Variants in CNR1 observed in about 807,000 individuals in gnomAD.
CNR1 encodes cannabinoid receptor 1 (brain).
A neutral mutation model predicts 23.0 loss-of-function variants in CNR1; 10 were observed. The ratio of observed to expected loss-of-function variants is 0.43; its 90% confidence interval spans 0.27 to 0.74. The LOEUF (loss-of-function observed/expected upper bound fraction) is 0.74. Among genes scored for constraint, CNR1 ranks in the 30% least tolerant of loss-of-function variants. CNR1 has a pLI of 0.19. For synonymous variants in CNR1, 271 were observed against 255.2 expected, an observed-to-expected ratio of 1.06 and a Z score of -0.59; for missense variants, 422 against 618.8, an observed-to-expected ratio of 0.68 and a Z score of 3.37.
At chr6:88,166,408 T>G (rs1472059664), upstream of CNR1, 2 of 152,430 alleles carry the variant, frequency 1.3e-5, no homozygotes, top group East Asian at 3.9e-4. Flanking sequence ...TAATGAGCCT[T>G]TGTCCTGCCC....
At chr6:88,145,490 A>T (rs1347845446) in intron 1 of CNR1, 153 bp from the exon 2 acceptor site, 1 of 527,512 alleles carries the variant, frequency 1.9e-6, no homozygotes, top group Non-Finnish European at 3.4e-6. Context: ...CAGTCAACAA[A>T]ATGAGTAAGT....
At chr6:88,157,334 C>T (rs1213793041) in intron 1 of CNR1, among the ~76,000 whole-genome samples, 1 of 152,052 alleles carries the variant, frequency 6.6e-6, no homozygotes, top group African/African-American at 2.4e-5. Flanking sequence ...CTTTTATAAG[C>T]CCTCAGGAAT....
rs753845620 is a variant in CNR1 at position 88,145,099 on chromosome 6, T to C, written c.176A>G (p.Gln59Arg). Reference sequence around the variant, plus strand: ...GTTGTCTCCCGCAGTCATCTTCTCTTGGAAGGGACTTCCCCTAAAGGAAGT... The same window carrying C: ...GTTGTCTCCCGCAGTCATCTTCTCTCGGAAGGGACTTCCCCTAAAGGAAGT... ...PLTSFRGSPF[Q>R]EKMTAGDNPQ... Residue 59 changes from glutamine to arginine, a missense_variant, in exon 2 of 2, where the codon CAA becomes CGA. Gln to Arg is a conservative substitution (Grantham distance 43). This residue lies in a region of CNR1 where 120 missense variants were observed against 117.6 expected (regional missense o/e 1.02). Transcript: ENST00000369501. 1.6e-5 allele frequency: 26 copies of C among 1,614,084 alleles called. No individual in the cohort carries two copies. Among genetic ancestry groups the C allele is most frequent in the Non-Finnish European group, 2.0e-5 (24 of 1,180,030 alleles).
intron 1 of CNR1, among the ~76,000 whole-genome samples, chr6:88,155,178 T>C (rs1228045948): frequency 6.6e-6 from 1 of 152,206 alleles, no homozygotes; most frequent in Non-Finnish European, 1.5e-5. Flanking sequence ...TCTTCATCTA[T>C]CAGTGAAGGC....
In CNR1 at chr6:88,141,944, G is replaced by A. The variant is rs1448560564; in HGVS notation, c.*1912C>T. ...GAGTCATGTTTTATCTGTATAAGAA[G>A]AGATTATAATTAAAATTTGTCAGGG... On this transcript the variant is annotated 3_prime_UTR_variant, in exon 2 of 2. Transcript: ENST00000369501. 6.6e-6 allele frequency: 1 copy of A among 152,298 alleles called. No individual in the cohort carries two copies. The highest frequency in any genetic ancestry group is 1.5e-5 in the Non-Finnish European group (1 of 68,036). The allele number at this position is 152,298 out of a possible 1,614,324, so 9.4% of individuals were successfully genotyped here.
At chr6:88,164,077 T>C (rs1457118143) in intron 1 of CNR1, among the ~76,000 whole-genome samples, 3 of 152,258 alleles carry the variant, frequency 2.0e-5, no homozygotes, top group Non-Finnish European at 2.9e-5. Context: ...CATATATTAA[T>C]GTTATTAAAA....
intron 1 of CNR1, among the ~76,000 whole-genome samples, chr6:88,163,642 A>T (rs959761577): frequency 6.6e-6 from 1 of 152,228 alleles, no homozygotes; most frequent in Non-Finnish European, 1.5e-5. Context: ...AACACTTATC[A>T]ACACAATCAA....
chr6:88,146,644 T>G (rs806371), intron 1 of CNR1, among the ~76,000 whole-genome samples: 28,747 of 152,254 alleles, frequency 0.19, 3,354 homozygotes, highest in East Asian at 0.51. Context: ...ATTTATAAAT[T>G]TTTGTTTAAA....
chr6:88,154,949 T>C (rs189310316), intron 1 of CNR1, among the ~76,000 whole-genome samples: 4 of 152,294 alleles, frequency 2.6e-5, no homozygotes, highest in Admixed American at 1.3e-4. Flanking sequence ...GTAAAAGCCA[T>C]GGCCATATTC....
chr6:88,165,768 A>C (rs1053167717), intron 1 of CNR1, 35 bp downstream of exon 1: 1 of 152,486 alleles, frequency 6.6e-6, no homozygotes, highest in African/African-American at 2.4e-5. Flanking sequence ...GGAGGCGGAA[A>C]AAGTATTTCC....
chr6:88,163,762 C>T (rs1778227869), intron 1 of CNR1, among the ~76,000 whole-genome samples: 1 of 152,142 alleles, frequency 6.6e-6, no homozygotes, highest in South Asian at 2.1e-4. Context: ...AATTTCATTC[C>T]CAGCAGTTTC....
At position 88,166,206 on chromosome 6, in the gene CNR1, G is replaced by T. The variant is rs978802448; in HGVS notation, c.-467C>A. 1 of 152,022 alleles carries T rather than the reference G, an allele frequency of 6.6e-6. No individual in the cohort carries two copies. Among genetic ancestry groups the T allele is most frequent in the Non-Finnish European group, 1.5e-5 (1 of 68,016 alleles). The allele number at this position is 152,022 out of a possible 1,614,324, so 9.4% of individuals were successfully genotyped here. ...GCTGCTCCGACCGCCGGCGAGCCTC[G>T]CCCCTTCCCAGGCTCTTCACTGGGT... On this transcript the variant is annotated 5_prime_UTR_variant, in exon 1 of 2. Transcript: ENST00000369501.
At chr6:88,147,415 C>T (rs1298530459) in intron 1 of CNR1, among the ~76,000 whole-genome samples, 1 of 152,156 alleles carries the variant, frequency 6.6e-6, no homozygotes, top group Non-Finnish European at 1.5e-5. Flanking sequence ...TGGGGACGTA[C>T]AGGATGCTCT....
chr6:88,159,301 A>C (rs1201419733), intron 1 of CNR1, among the ~76,000 whole-genome samples: 1 of 152,238 alleles, frequency 6.6e-6, no homozygotes, highest in African/African-American at 2.4e-5. Flanking sequence ...CCCAGGAAAG[A>C]ACGAACTAAA....
chr6:88,165,300 C>T (rs1778312229), intron 1 of CNR1, among the ~76,000 whole-genome samples: 1 of 152,208 alleles, frequency 6.6e-6, no homozygotes. Flanking sequence ...CATCAACATT[C>T]AATTTTAGGT....
chr6:88,144,234 C>G lies in CNR1; in HGVS notation c.1041G>C (p.Leu347=), dbSNP rs923682341. 1 of 1,611,666 alleles carries G rather than the reference C, an allele frequency of 6.2e-7. No individual in the cohort carries two copies. Residue 347 remains leucine (L), a synonymous_variant, in exon 2 of 2, where the codon CTG becomes CTC. Transcript: ENST00000369501. The surrounding 1 kb of genome is among the most constrained non-coding windows in gnomAD (Gnocchi z 7.8). ...MDIRLAKTLV[L]ILVVLIICWG... ...AGCAGATGATCAACACCACCAGGAT[C>G]AGGACCAGGGTCTTGGCTAACCTAA... is the stretch of plus-strand genomic sequence containing the variant.
At chr6:88,164,193 T>C (rs910564339) in intron 1 of CNR1, 3 of 152,376 alleles carry the variant, frequency 2.0e-5, no homozygotes, top group African/African-American at 7.2e-5. Flanking sequence ...TGTGGCATCA[T>C]TGTACCCCCA....
chr6:88,159,163 G>A (rs1448825519), intron 1 of CNR1, among the ~76,000 whole-genome samples: 1 of 152,182 alleles, frequency 6.6e-6, no homozygotes, highest in East Asian at 1.9e-4. Context: ...AGGAACCCAT[G>A]ATTATTGAGC....
chr6:88,153,551 GC>G (rs1210970830), intron 1 of CNR1, among the ~76,000 whole-genome samples: 1 of 152,190 alleles, frequency 6.6e-6, no homozygotes, highest in African/African-American at 2.4e-5. Context: ...CCAGTCCCTT[GC>G]TTAACTTGTT....
Sources: gnomAD v4.1 joint callset for allele counts (sites outside exome capture counted in the v4.1 genomes callset) on GRCh38, gnomAD v4.1.1 for gene constraint, gnomAD v4.1.1 regional missense constraint, Gnocchi (gnomAD v3.1) non-coding constraint, MANE v1.5 for transcripts, NCBI Gene and HGNC (gene_info 2026-07-23, HGNC 2026-07-21) for gene names.